Variants in SCRG1 observed in about 807,000 individuals in gnomAD.
The protein encoded by SCRG1 is scrapie-responsive protein 1.
In SCRG1, 3 loss-of-function variants were observed where a neutral mutation model predicts 7.7. That is an observed-to-expected ratio of 0.39 (90% CI 0.18 to 1.01). The LOEUF (loss-of-function observed/expected upper bound fraction) is 1.01. Among genes scored for constraint, SCRG1 ranks in the 50% least tolerant of loss-of-function variants. The pLI, the probability that SCRG1 is intolerant of heterozygous loss-of-function variation, is 0.36. For missense variants in SCRG1, 110 were observed against 117.2 expected, an observed-to-expected ratio of 0.94 and a Z score of 0.28; for synonymous variants, 46 against 41.2, an observed-to-expected ratio of 1.12 and a Z score of -0.44.
At chr4:173,397,076 A>G (rs897900590) in intron 1 of SCRG1, among the ~76,000 whole-genome samples, 3 of 152,056 alleles carry the variant, frequency 2.0e-5, no homozygotes, top group African/African-American at 7.2e-5. Flanking sequence ...AAAATAAAAC[A>G]AAATAAAATA....
At chr4:173,504,564 G>A in the SCRG1 span, among the ~76,000 whole-genome samples, 1 of 152,248 alleles carries the variant, frequency 6.6e-6, no homozygotes, top group African/African-American at 2.4e-5. The surrounding 1 kb of genome is among the most constrained non-coding windows in gnomAD (Gnocchi z 4.7). Flanking sequence ...ATGGAGGCAA[G>A]CAGTTTTAGC....
chr4:173,486,997 GT>G, the SCRG1 span, among the ~76,000 whole-genome samples: 1 of 152,082 alleles, frequency 6.6e-6, no homozygotes, highest in Admixed American at 6.6e-5. Context: ...TATCATTTGG[GT>G]TACTGATTCT....
intron 1 of SCRG1, among the ~76,000 whole-genome samples, chr4:173,394,905 T>C (rs1402712247): frequency 6.6e-6 from 1 of 152,236 alleles, no homozygotes; most frequent in African/African-American, 2.4e-5. Flanking sequence ...TATTTGTATA[T>C]ACACTTATCT....
At chr4:173,483,183 TTATATATGA>T in the SCRG1 span, among the ~76,000 whole-genome samples, 4 of 115,294 alleles carry the variant, frequency 3.5e-5, 1 homozygote, top group Non-Finnish European at 5.1e-5. Context: ...ATATAATATA[TTATATATGA>T]TATATATTAT....
the SCRG1 span, among the ~76,000 whole-genome samples, chr4:173,473,399 T>A: frequency 6.6e-6 from 1 of 152,202 alleles, no homozygotes; most frequent in East Asian, 1.9e-4. Flanking sequence ...TTTGCAAACA[T>A]ACCCTAAGTT....
At chr4:173,416,873 A>G in the SCRG1 span, among the ~76,000 whole-genome samples, 749 of 150,288 alleles carry the variant, frequency 5.0e-3, 9 homozygotes, top group East Asian at 0.021. Flanking sequence ...ATAGCCTAGA[A>G]CTCTCCGGAT....
chr4:173,436,675 G>A, the SCRG1 span, among the ~76,000 whole-genome samples: 1 of 152,102 alleles, frequency 6.6e-6, no homozygotes, highest in East Asian at 1.9e-4. Context: ...TGTGTATGTG[G>A]GATGGGTAAA....
upstream of SCRG1, among the ~76,000 whole-genome samples, chr4:173,401,605 A>G (rs1739764584): frequency 6.6e-6 from 1 of 152,156 alleles, no homozygotes; most frequent in Admixed American, 6.5e-5. Context: ...ATTCATTTTT[A>G]TATTCAGCAA....
chr4:173,389,630 G>T, intron 2 of SCRG1: 1 of 180,238 alleles, frequency 5.5e-6, no homozygotes, highest in South Asian at 1.0e-4. Flanking sequence ...CTGGGGAGGA[G>T]TCCAAGGATG....
At chr4:173,483,553 T>G in the SCRG1 span, among the ~76,000 whole-genome samples, 5 of 93,754 alleles carry the variant, frequency 5.3e-5, 1 homozygote, top group Non-Finnish European at 7.4e-5. Flanking sequence ...TAATATATAT[T>G]ATATATTGTA....
At chr4:173,442,906 C>A in the SCRG1 span, among the ~76,000 whole-genome samples, 2 of 152,166 alleles carry the variant, frequency 1.3e-5, no homozygotes, top group Admixed American at 6.5e-5. Flanking sequence ...TCTCCCAATC[C>A]ATTACACAGG....
the SCRG1 span, among the ~76,000 whole-genome samples, chr4:173,415,621 C>T: frequency 6.6e-6 from 1 of 152,160 alleles, no homozygotes; most frequent in Non-Finnish European, 1.5e-5. Context: ...CTCCAAACGA[C>T]CTTTATTTCT....
At chr4:173,490,950 G>C in the SCRG1 span, among the ~76,000 whole-genome samples, 1 of 152,310 alleles carries the variant, frequency 6.6e-6, no homozygotes, top group Admixed American at 6.5e-5. Context: ...GCCCTGGGAT[G>C]TGGGACCTGC....
chr4:173,405,882 G>A (rs974889951), intron 1 of SCRG1, among the ~76,000 whole-genome samples: 2 of 152,156 alleles, frequency 1.3e-5, no homozygotes, highest in African/African-American at 4.8e-5. Flanking sequence ...AAGGAGCCCT[G>A]GTTCCTTTCA....
chr4:173,389,916 C>G, intron 2 of SCRG1: 2 of 399,456 alleles, frequency 5.0e-6, no homozygotes, highest in Middle Eastern at 7.0e-4. Flanking sequence ...TTTGAAAAAG[C>G]TAATTTCAAT....
chr4:173,441,804 A>G, the SCRG1 span, among the ~76,000 whole-genome samples: 7 of 152,168 alleles, frequency 4.6e-5, no homozygotes, highest in African/African-American at 1.7e-4. Flanking sequence ...GAGCCCAACC[A>G]GGAGTTCAAG....
chr4:173,511,683 C>G, the SCRG1 span, among the ~76,000 whole-genome samples: 1 of 152,106 alleles, frequency 6.6e-6, no homozygotes, highest in Admixed American at 6.5e-5. The surrounding 1 kb of genome is among the most constrained non-coding windows in gnomAD (Gnocchi z 5.2). Flanking sequence ...ACCCTAAAGG[C>G]CCATTTCCAG....
At chr4:173,501,726 G>T in the SCRG1 span, among the ~76,000 whole-genome samples, 1 of 152,176 alleles carries the variant, frequency 6.6e-6, no homozygotes, top group Non-Finnish European at 1.5e-5. The surrounding 1 kb of genome is among the most constrained non-coding windows in gnomAD (Gnocchi z 5.1). Context: ...AGAGGCATGG[G>T]TTATCTAGGA....
the SCRG1 span, among the ~76,000 whole-genome samples, chr4:173,414,608 G>A: frequency 6.6e-6 from 1 of 152,194 alleles, no homozygotes; most frequent in African/African-American, 2.4e-5. Flanking sequence ...GTTTGAATGG[G>A]GGATGGCTTA....
Sources: allele counts gnomAD v4.1 joint callset (sites outside exome capture counted in the v4.1 genomes callset), GRCh38; gene constraint gnomAD v4.1.1; non-coding constraint Gnocchi (gnomAD v3.1); transcripts MANE v1.5; gene names NCBI Gene and HGNC (gene_info 2026-07-23, HGNC 2026-07-21).